SENP6: variants seen among roughly 807,000 people sequenced by gnomAD.
SENP6 encodes sentrin-specific protease 6.
Under a neutral mutation model 134.5 loss-of-function variants are expected in SENP6, and 41 were observed. That is an observed-to-expected ratio of 0.30 (90% CI 0.24 to 0.40). The LOEUF (loss-of-function observed/expected upper bound fraction) is 0.40. Ranked by LOEUF, SENP6 falls within the 10% of genes least tolerant of loss-of-function variation. SENP6 has a pLI of 1.00. For missense variants in SENP6, 1,248 were observed against 1,312.5 expected, an observed-to-expected ratio of 0.95 and a Z score of 0.76; for synonymous variants, 395 against 429.8, an observed-to-expected ratio of 0.92 and a Z score of 1.00.
intron 23 of SENP6, among the ~76,000 whole-genome samples, chr6:75,714,349 A>G (rs1775918296): frequency 6.6e-6 from 1 of 152,118 alleles, no homozygotes; most frequent in African/African-American, 2.4e-5. Flanking sequence ...CCTCTCTTGG[A>G]TATTCTTTAC....
At chr6:75,640,596 C>T in intron 5 of SENP6, 88 bp from the exon 6 acceptor site, 3 of 674,790 alleles carry the variant, frequency 4.4e-6, no homozygotes, top group Non-Finnish European at 6.9e-6. Context: ...TATAATTTTG[C>T]CTTAATGACT....
At chr6:75,608,449 GAAGA>G (rs891535726) in intron 1 of SENP6, among the ~76,000 whole-genome samples, 1 of 150,434 alleles carries the variant, frequency 6.6e-6, no homozygotes, top group Non-Finnish European at 1.5e-5. Flanking sequence ...ACAGAGCTGA[GAAGA>G]AAGAAAGAAA....
At chr6:75,612,704 C>A (rs942507978) in intron 1 of SENP6, among the ~76,000 whole-genome samples, 5 of 152,138 alleles carry the variant, frequency 3.3e-5, no homozygotes, top group African/African-American at 9.7e-5. Context: ...AACTTAAAAA[C>A]AGTACTGAAA....
chr6:75,671,872 G>C (rs1344274660), intron 11 of SENP6, among the ~76,000 whole-genome samples: 1 of 152,092 alleles, frequency 6.6e-6, no homozygotes, highest in East Asian at 1.9e-4. Flanking sequence ...ATTGTTTATA[G>C]GAGAAAATGA....
chr6:75,627,084 C>T (rs1768753883), intron 3 of SENP6, among the ~76,000 whole-genome samples: 1 of 152,118 alleles, frequency 6.6e-6, no homozygotes, highest in South Asian at 2.1e-4. Flanking sequence ...CTGCCTCAGC[C>T]TCCTGAGTAG....
intron 5 of SENP6, among the ~76,000 whole-genome samples, chr6:75,638,620 ATATTTTTTT>A (rs1561993252): frequency 4.2e-4 from 14 of 33,170 alleles, no homozygotes; most frequent in South Asian, 1.4e-3. Context: ...ATATATATAT[ATATTTTTTT>A]TTTTTTTTTT....
chr6:75,629,490 A>G (rs991458987), intron 3 of SENP6, among the ~76,000 whole-genome samples: 4 of 151,914 alleles, frequency 2.6e-5, no homozygotes, highest in African/African-American at 9.7e-5. Flanking sequence ...AACAGAGACA[A>G]GGTTTCACCA....
In SENP6 at chr6:75,647,773, T is replaced by A. The variant is rs888925996; in HGVS notation, c.522T>A (p.Pro174=). 3.1e-6 allele frequency: 5 copies of A among 1,612,936 alleles called. No individual in the cohort carries two copies. The East Asian group carries it at 6.7e-5, about 22-fold the overall frequency. The part of the protein sequence containing the change: ...PPHVQKVEIN[P]VRLSRLQGVE... ...ATGTCCAAAAAGTTGAAATTAATCC[T>A]GTAAGGTTAAGTCGGCTCCAAGGTG... Residue 174 remains proline (P), a synonymous_variant, in exon 7 of 24, where the codon CCT becomes CCA. Coordinates refer to ENST00000447266, the MANE Select transcript of SENP6 (RefSeq NM_015571.4).
intron 16 of SENP6, among the ~76,000 whole-genome samples, chr6:75,693,637 G>C (rs1774450147): frequency 6.6e-6 from 1 of 152,146 alleles, no homozygotes; most frequent in Non-Finnish European, 1.5e-5. Context: ...CTGAAAGCAA[G>C]AAATCTTAAA....
Position 75,602,874 on chromosome 6 carries a change from T to A in SENP6, c.52+298T>A, listed in dbSNP as rs180851544. 1.8e-3 allele frequency among the ~76,000 whole-genome samples: 269 copies of A among 152,268 alleles called. 1 individual carries two copies. The highest frequency in any genetic ancestry group is 6.2e-3 in the African/African-American group (256 of 41,560). The stretch of plus-strand genomic sequence containing the variant: ...TGAAGTCTTTGACATTTAAAAAATT[T>A]TGGGGTGGTGGCCTAAGGATGAGAG... On this transcript the variant is annotated intron_variant, in intron 1 of 23. Coordinates refer to ENST00000447266, the MANE Select transcript of SENP6 (RefSeq NM_015571.4).
intron 1 of SENP6, among the ~76,000 whole-genome samples, chr6:75,621,028 T>G (rs1388852215): frequency 1.3e-5 from 2 of 152,194 alleles, no homozygotes; most frequent in African/African-American, 2.4e-5. Flanking sequence ...ATGAGCACAT[T>G]TAGTGTTCTG....
chr6:75,674,351 C>T (rs757776173), intron 11 of SENP6, among the ~76,000 whole-genome samples: 20 of 151,828 alleles, frequency 1.3e-4, no homozygotes, highest in Non-Finnish European at 2.5e-4. Context: ...GATGATGTCT[C>T]ACTATTTTTG....
At chr6:75,652,981 C>G (rs547252634) in intron 7 of SENP6, among the ~76,000 whole-genome samples, 47 of 152,036 alleles carry the variant, frequency 3.1e-4, no homozygotes, top group African/African-American at 1.1e-3. Flanking sequence ...TCTTTGTTAT[C>G]TTTGATGTAT....
At chr6:75,662,826 C>T (rs1037720475) in intron 8 of SENP6, among the ~76,000 whole-genome samples, 8 of 152,106 alleles carry the variant, frequency 5.3e-5, no homozygotes, top group Non-Finnish European at 1.0e-4. Flanking sequence ...TTTAGATTTG[C>T]CCTCTTTACC....
chr6:75,645,212 G>T (rs773840540), intron 6 of SENP6, among the ~76,000 whole-genome samples: 2 of 152,162 alleles, frequency 1.3e-5, no homozygotes, highest in Admixed American at 6.5e-5. Context: ...TTGGTTAGGG[G>T]TAGAAAAGAA....
intron 7 of SENP6, among the ~76,000 whole-genome samples, chr6:75,648,829 A>G (rs948631339): frequency 2.0e-5 from 3 of 152,146 alleles, no homozygotes; most frequent in African/African-American, 7.2e-5. Context: ...GAAGATCCCT[A>G]TAAGCTAAAA....
At chr6:75,636,723 T>C (rs1480334697) in intron 5 of SENP6, among the ~76,000 whole-genome samples, 2 of 152,184 alleles carry the variant, frequency 1.3e-5, no homozygotes, top group East Asian at 3.9e-4. Context: ...AGAAACTGCA[T>C]GCAGTAGGAA....
Position 75,655,684 on chromosome 6 carries a change from G to A in SENP6, c.551-3578G>A, listed in dbSNP as rs144953456. Among the ~76,000 whole-genome samples, 200 of 152,194 alleles carry A rather than the reference G, an allele frequency of 1.3e-3. 1 individual carries two copies. The highest frequency in any genetic ancestry group is 4.5e-3 in the African/African-American group (188 of 41,524). On this transcript the variant is annotated intron_variant, in intron 7 of 23. Coordinates refer to ENST00000447266, the MANE Select transcript of SENP6 (RefSeq NM_015571.4). ...GTATGAGTATAACAAGTTATTTATC[G>A]ATTTTCCTGATAATCGATAATATAA... is the stretch of plus-strand genomic sequence containing the variant.
At chr6:75,685,380 T>A (rs1773758964) in intron 16 of SENP6, among the ~76,000 whole-genome samples, 1 of 152,164 alleles carries the variant, frequency 6.6e-6, no homozygotes, top group African/African-American at 2.4e-5. Flanking sequence ...TGTCTCTATC[T>A]CCTTCAGTTC....
Sources: gnomAD v4.1 joint callset for allele counts (sites outside exome capture counted in the v4.1 genomes callset) on GRCh38, gnomAD v4.1.1 for gene constraint, MANE v1.5 for transcripts, NCBI Gene and HGNC (gene_info 2026-07-23, HGNC 2026-07-21) for gene names.